Variants in IMMP2L observed in about 807,000 individuals in gnomAD.
The protein encoded by IMMP2L is mitochondrial inner membrane protease subunit 2.
IMMP2L carries 18 observed loss-of-function variants against 19.3 expected under a neutral mutation model. The ratio of observed to expected loss-of-function variants is 0.93; its 90% CI spans 0.64 to 1.38. The LOEUF is 1.38. IMMP2L is among the 40% of genes most tolerant of loss of function. IMMP2L has a pLI of 0.00. For missense variants in IMMP2L, 233 were observed against 218.2 expected (o/e 1.07, Z -0.43); for synonymous variants, 76 against 73.0 (o/e 1.04, Z -0.21).
At chr7:111,080,647 T>C (rs569996864) in intron 3 of IMMP2L, among the ~76,000 whole-genome samples, 3 of 152,264 alleles carry the variant, frequency 2.0e-5, no homozygotes, top group Admixed American at 2.0e-4. Context: ...ATTTGCTGTT[T>C]CCATCATTCT....
chr7:111,078,105 G>A (rs150194099), intron 3 of IMMP2L, among the ~76,000 whole-genome samples: 95 of 152,108 alleles, frequency 6.2e-4, no homozygotes, highest in South Asian at 6.0e-3. Flanking sequence ...CACGTTTATC[G>A]TTGCCTATTT....
chr7:111,404,040 T>C (rs112006858), intron 3 of IMMP2L, among the ~76,000 whole-genome samples: 3,065 of 152,220 alleles, frequency 0.02, 106 homozygotes, highest in African/African-American at 0.07. Context: ...AGTTTTATCC[T>C]TTATGAAGGC....
intron 5 of IMMP2L, among the ~76,000 whole-genome samples, chr7:110,683,605 TAA>T (rs1410133751): frequency 6.6e-6 from 1 of 152,154 alleles, no homozygotes; most frequent in Non-Finnish European, 1.5e-5. Context: ...TTATTTTTTG[TAA>T]AGACTCAATC....
At chr7:110,815,901 TC>T (rs1802463132) in intron 5 of IMMP2L, among the ~76,000 whole-genome samples, 1 of 152,152 alleles carries the variant, frequency 6.6e-6, no homozygotes, top group Non-Finnish European at 1.5e-5. Flanking sequence ...ATTTTCTTGA[TC>T]TTTTCAAAAA....
chr7:111,337,875 C>A (rs1826603320), intron 3 of IMMP2L, among the ~76,000 whole-genome samples: 1 of 152,138 alleles, frequency 6.6e-6, no homozygotes, highest in Non-Finnish European at 1.5e-5. Flanking sequence ...CCAGCAACAG[C>A]ATCAACAAAC....
intron 3 of IMMP2L, among the ~76,000 whole-genome samples, chr7:111,458,843 A>AT (rs1359202520): frequency 1.3e-5 from 2 of 152,134 alleles, no homozygotes; most frequent in Non-Finnish European, 2.9e-5. Context: ...TTCCTTCAGG[A>AT]TATGTCTCCT....
chr7:111,057,610 A>G (rs986972918), intron 3 of IMMP2L, among the ~76,000 whole-genome samples: 3 of 152,234 alleles, frequency 2.0e-5, no homozygotes, highest in Non-Finnish European at 2.9e-5. Context: ...AACCTATGTT[A>G]AAACTGCCAG....
chr7:110,945,024 G>A (rs1817110494), intron 4 of IMMP2L, among the ~76,000 whole-genome samples: 1 of 151,728 alleles, frequency 6.6e-6, no homozygotes, highest in Non-Finnish European at 1.5e-5. Context: ...GTAGGAATTC[G>A]CCAGGCAAAA....
At chr7:110,703,059 A>G (rs1457182248) in intron 5 of IMMP2L, among the ~76,000 whole-genome samples, 1 of 152,198 alleles carries the variant, frequency 6.6e-6, no homozygotes, top group Non-Finnish European at 1.5e-5. Context: ...ATGATTAACT[A>G]TAATGTTGCT....
intron 4 of IMMP2L, among the ~76,000 whole-genome samples, chr7:110,911,791 T>C (rs1357690650): frequency 6.6e-6 from 1 of 152,182 alleles, no homozygotes; most frequent in Non-Finnish European, 1.5e-5. Context: ...ATTACTGCTA[T>C]CTACTTTAAC....
At chr7:110,735,245 G>T (rs567501104) in intron 5 of IMMP2L, among the ~76,000 whole-genome samples, 1 of 152,252 alleles carries the variant, frequency 6.6e-6, no homozygotes, top group Admixed American at 6.5e-5. Flanking sequence ...CACACCTTAT[G>T]CAAAAGAGAT....
intron 3 of IMMP2L, among the ~76,000 whole-genome samples, chr7:111,160,238 A>G (rs1290553363): frequency 6.6e-6 from 1 of 152,076 alleles, no homozygotes; most frequent in Non-Finnish European, 1.5e-5. Context: ...GTATGTTTGT[A>G]TTATTATAAA....
intron 3 of IMMP2L, among the ~76,000 whole-genome samples, chr7:111,374,652 G>C (rs1830525953): frequency 6.6e-6 from 1 of 152,102 alleles, no homozygotes; most frequent in Non-Finnish European, 1.5e-5. Context: ...AAGACAGTCA[G>C]ACCCTGAGAG....
In IMMP2L at chr7:111,123,422, T is replaced by C; in HGVS notation, c.240-159857A>G. ...AAGCCTCTTATCAATCTTCGCAGCC[T>C]GGTTATAGCTGGTATAAACCTCACA... On this transcript the variant is annotated intron_variant, in intron 3 of 5. Transcript: ENST00000405709. This position sits in a 1 kb window ranked among gnomAD's most constrained non-coding sequence, Gnocchi z 6.4. 4 of 1,613,290 alleles carry C rather than the reference T, an allele frequency of 2.5e-6. No individual in the cohort carries two copies. The highest frequency in any genetic ancestry group is 3.4e-6 in the Non-Finnish European group (4 of 1,179,778).
chr7:110,940,416 CA>C (rs1183470067), intron 4 of IMMP2L, among the ~76,000 whole-genome samples: 1 of 151,652 alleles, frequency 6.6e-6, no homozygotes, highest in Non-Finnish European at 1.5e-5. Flanking sequence ...CATTAGTAAT[CA>C]AAAAATTATA....
intron 3 of IMMP2L, among the ~76,000 whole-genome samples, chr7:111,350,790 C>G (rs1158337916): frequency 6.6e-6 from 1 of 152,078 alleles, no homozygotes; most frequent in Non-Finnish European, 1.5e-5. Context: ...ACTTTGACCT[C>G]TCATCTTTTG....
intron 2 of IMMP2L, among the ~76,000 whole-genome samples, chr7:111,489,401 T>C (rs944153878): frequency 6.6e-6 from 1 of 152,072 alleles, no homozygotes; most frequent in African/African-American, 2.4e-5. Flanking sequence ...GACTCTCCAA[T>C]AATGCTACCA....
chr7:110,714,781 G>C (rs1246512093), intron 5 of IMMP2L, among the ~76,000 whole-genome samples: 1 of 152,140 alleles, frequency 6.6e-6, no homozygotes, highest in Non-Finnish European at 1.5e-5. Flanking sequence ...ATTTTTAGTA[G>C]GGACAGGGTT....
chr7:110,873,718 G>A (rs1286270351), intron 5 of IMMP2L, among the ~76,000 whole-genome samples: 1 of 150,850 alleles, frequency 6.6e-6, no homozygotes, highest in African/African-American at 2.4e-5. Flanking sequence ...AGGTTGCAGT[G>A]AGCCAAGATG....
Sources: gnomAD v4.1 joint callset for allele counts (sites outside exome capture counted in the v4.1 genomes callset) on GRCh38, gnomAD v4.1.1 for gene constraint, Gnocchi (gnomAD v3.1) non-coding constraint, MANE v1.5 for transcripts, NCBI Gene and HGNC (gene_info 2026-07-23, HGNC 2026-07-21) for gene names.